The following LRBA variants were observed in gnomAD, a reference collection of about 807,000 sequenced individuals.
LRBA encodes lipopolysaccharide-responsive and beige-like anchor protein.
In LRBA, 176 loss-of-function variants were observed where a neutral mutation model predicts 330.0. That is an observed-to-expected ratio of 0.53 (90% CI 0.47 to 0.60). The LOEUF (loss-of-function observed/expected upper bound fraction) is 0.60. Among genes scored for constraint, LRBA ranks in the 20% least tolerant of loss-of-function variants. LRBA has a pLI of 0.00. For synonymous variants in LRBA, 1,230 were observed against 1,193.0 expected, an observed-to-expected ratio of 1.03 and a Z score of -0.64; for missense variants, 3,259 against 3,444.8, an observed-to-expected ratio of 0.95 and a Z score of 1.35.
intron 16 of LRBA, among the ~76,000 whole-genome samples, chr4:150,893,466 T>C (rs1331101593): frequency 6.6e-6 from 1 of 152,064 alleles, no homozygotes; most frequent in Non-Finnish European, 1.5e-5. Flanking sequence ...TTCTTGTGCA[T>C]AGCCTCCCTA....
At chr4:150,745,816 G>A (rs1560761716) in intron 35 of LRBA, among the ~76,000 whole-genome samples, 1 of 151,994 alleles carries the variant, frequency 6.6e-6, no homozygotes, top group East Asian at 1.9e-4. Flanking sequence ...GCCCAGCCGA[G>A]AAAAAATCTT....
intron 2 of LRBA, chr4:150,970,590 A>T (rs1311526489): frequency 6.9e-6 from 1 of 145,072 alleles, no homozygotes; most frequent in Non-Finnish European, 1.5e-5. Context: ...CACACACAAA[A>T]GTATACTGTA....
At chr4:150,489,287 A>AATATATAATATATTACATATAC (rs1561250553) in intron 41 of LRBA, among the ~76,000 whole-genome samples, 12,165 of 56,954 alleles carry the variant, frequency 0.21, 2,599 homozygotes, top group Non-Finnish European at 0.26. Context: ...ATTATATATA[A>AATATATAATATATTACATATAC]GAATATATAA....
intron 30 of LRBA, among the ~76,000 whole-genome samples, chr4:150,819,597 C>A (rs1240608765): frequency 6.6e-6 from 1 of 152,040 alleles, no homozygotes; most frequent in Non-Finnish European, 1.5e-5. Flanking sequence ...AGTGATGGGT[C>A]TACAGGTGTT....
chr4:150,717,287 A>G (rs1220429121), intron 36 of LRBA, among the ~76,000 whole-genome samples: 2 of 152,196 alleles, frequency 1.3e-5, no homozygotes, highest in Admixed American at 6.5e-5. Flanking sequence ...TTAAAAATTT[A>G]TAAGTACTCA....
chr4:150,406,208 C>T (rs952097268), intron 47 of LRBA, among the ~76,000 whole-genome samples: 1 of 151,248 alleles, frequency 6.6e-6, no homozygotes, highest in Middle Eastern at 3.4e-3. Flanking sequence ...ACAAAAAGAC[C>T]CAAGACTAAA....
intron 43 of LRBA, among the ~76,000 whole-genome samples, chr4:150,468,301 A>G (rs536363318): frequency 4.6e-5 from 7 of 152,154 alleles, no homozygotes; most frequent in Non-Finnish European, 1.0e-4. Context: ...CATTGCACTA[A>G]ATAATTCTGA....
intron 40 of LRBA, among the ~76,000 whole-genome samples, chr4:150,511,062 T>C (rs1002050614): frequency 6.6e-6 from 1 of 152,112 alleles, no homozygotes; most frequent in African/African-American, 2.4e-5. Flanking sequence ...TTCACCATGT[T>C]GGCTAGGCTG....
Position 150,321,332 on chromosome 4 carries a change from C to T in LRBA, c.7489G>A (p.Val2497Ile). Residue 2497 changes from valine to isoleucine, a missense_variant, in exon 50 of 57, where the codon GTT (valine) becomes ATT (isoleucine). Coordinates refer to ENST00000651943, the MANE Select transcript of LRBA (RefSeq NM_001364905.1). The surrounding 1 kb of genome is among the most constrained non-coding windows in gnomAD (Gnocchi z 4.5). ...LMFTDKAQQDVIMVLKFPSNS... is the reference protein window; with the variant it reads ...LMFTDKAQQDIIMVLKFPSNS... ...GAGGGAAACTTGAGGACCATGATAA[C>T]ATCCTGCTGGGCTTTGTCTGTGAAC... 1.2e-6 allele frequency: 2 copies of T among 1,605,428 alleles called. No homozygotes were observed. The highest frequency in any genetic ancestry group is 1.7e-6 in the Non-Finnish European group (2 of 1,177,168).
intron 44 of LRBA, among the ~76,000 whole-genome samples, chr4:150,442,575 T>A (rs1027835461): frequency 2.6e-5 from 4 of 152,286 alleles, no homozygotes; most frequent in Admixed American, 2.0e-4. Context: ...AGATAAAGCC[T>A]GCCTTACAGT....
At chr4:150,682,314 A>C (rs1783123492) in intron 37 of LRBA, among the ~76,000 whole-genome samples, 2 of 152,146 alleles carry the variant, frequency 1.3e-5, no homozygotes, top group South Asian at 4.1e-4. Context: ...TTGCAAGATA[A>C]GGCACCAGAG....
chr4:150,578,586 T>A (rs182838131), intron 40 of LRBA, among the ~76,000 whole-genome samples: 1 of 152,212 alleles, frequency 6.6e-6, no homozygotes, highest in Admixed American at 6.5e-5. Flanking sequence ...TTCACATTGC[T>A]ATAAAACTAG....
intron 40 of LRBA, among the ~76,000 whole-genome samples, chr4:150,565,510 A>T (rs1262088645): frequency 5.3e-5 from 8 of 152,170 alleles, no homozygotes; most frequent in African/African-American, 1.9e-4. Context: ...AAAATAAAAT[A>T]AAAAATGTAA....
At chr4:150,859,574 T>C (rs181764348) in intron 22 of LRBA, among the ~76,000 whole-genome samples, 22 of 152,218 alleles carry the variant, frequency 1.4e-4, no homozygotes, top group Non-Finnish European at 1.5e-4. Context: ...GTAACCAACA[T>C]AGTGCAGTTA....
chr4:150,657,911 T>C (rs1035628897), intron 37 of LRBA, among the ~76,000 whole-genome samples: 1 of 152,218 alleles, frequency 6.6e-6, no homozygotes. Context: ...TAATGTTTTA[T>C]GTGCCATTAT....
chr4:150,735,800 A>C (rs569096211), intron 35 of LRBA, among the ~76,000 whole-genome samples: 1 of 152,292 alleles, frequency 6.6e-6, no homozygotes, highest in Non-Finnish European at 1.5e-5. Flanking sequence ...CACAAAGATA[A>C]ATAGAAAAAA....
chr4:150,993,770 G>A (rs1026958264), intron 2 of LRBA, among the ~76,000 whole-genome samples: 3 of 152,098 alleles, frequency 2.0e-5, no homozygotes, highest in Non-Finnish European at 2.9e-5. Flanking sequence ...AGAACAGTAT[G>A]GGGGAAACTG....
intron 8 of LRBA, among the ~76,000 whole-genome samples, chr4:150,914,852 T>C (rs753646904): frequency 1.3e-5 from 2 of 152,150 alleles, no homozygotes; most frequent in Non-Finnish European, 2.9e-5. Flanking sequence ...GCGCTGCTAA[T>C]AGATTTATGG....
At chr4:150,910,893 T>C (rs1731916796) in intron 9 of LRBA, among the ~76,000 whole-genome samples, 1 of 152,178 alleles carries the variant, frequency 6.6e-6, no homozygotes, top group Admixed American at 6.5e-5. Flanking sequence ...AGGGTACAGC[T>C]CTTTTGCCAC....
Sources: gnomAD v4.1 joint callset for allele counts (sites outside exome capture counted in the v4.1 genomes callset) on GRCh38, gnomAD v4.1.1 for gene constraint, Gnocchi (gnomAD v3.1) non-coding constraint, MANE v1.5 for transcripts, NCBI Gene and HGNC (gene_info 2026-07-23, HGNC 2026-07-21) for gene names.